SNX24: variants seen among roughly 807,000 people sequenced by gnomAD.
The protein encoded by SNX24 is sorting nexin-24.
A neutral mutation model predicts 28.7 loss-of-function variants in SNX24; 22 were observed. The ratio of observed to expected loss-of-function variants is 0.77; its 90% CI spans 0.55 to 1.10. The LOEUF (loss-of-function observed/expected upper bound fraction) is 1.10. Ranked by LOEUF, SNX24 falls within the 50% of genes least tolerant of loss-of-function variation. SNX24 has a pLI of 0.00. For missense variants in SNX24, 221 were observed against 201.1 expected, an observed-to-expected ratio of 1.10 and a Z score of -0.60; for synonymous variants, 69 against 71.5, an observed-to-expected ratio of 0.96 and a Z score of 0.18.
At chr5:122,909,687 T>C (rs1291038548) in intron 1 of SNX24, among the ~76,000 whole-genome samples, 2 of 152,168 alleles carry the variant, frequency 1.3e-5, no homozygotes, top group Admixed American at 1.3e-4. Flanking sequence ...CTATGTTTCT[T>C]TGTAGCTCCC....
Position 122,936,830 on chromosome 5 carries a change from C to T in SNX24, c.144+13C>T, listed in dbSNP as rs1759199824. On this transcript the variant is annotated intron_variant, in intron 2 of 6. Transcript: ENST00000261369. ...TTTGCACAAAAAGGTAACTTGTTTT[C>T]TGTTTTTTTGTCTTTTCTCTATGTG... 1 of 1,579,342 alleles carries T rather than the reference C, an allele frequency of 6.3e-7. No homozygotes were observed.
At chr5:123,010,413 T>C (rs929485069), downstream of SNX24, among the ~76,000 whole-genome samples, 1 of 152,016 alleles carries the variant, frequency 6.6e-6, no homozygotes, top group African/African-American at 2.4e-5. Context: ...CTCAGTCTCC[T>C]GGGCAGCTGG....
Position 122,977,327 on chromosome 5 carries a change from A to G in SNX24, c.250-22585A>G, listed in dbSNP as rs545483602. The stretch of plus-strand genomic sequence containing the variant: ...AATCTATCAACCCTCTCTTGCTCCA[A>G]CCCACCCCCACCCCTTCCCAATACA... On this transcript the variant is annotated intron_variant, in intron 3 of 6. Coordinates refer to ENST00000261369, the MANE Select transcript of SNX24 (RefSeq NM_014035.4). Among the ~76,000 whole-genome samples, 3 of 150,852 alleles carry G rather than the reference A, an allele frequency of 2.0e-5. No homozygotes were observed. The East Asian group carries it at 5.9e-4, about 30-fold the overall frequency.
At chr5:122,848,846 G>T (rs981804672) in intron 1 of SNX24, among the ~76,000 whole-genome samples, 7 of 152,254 alleles carry the variant, frequency 4.6e-5, no homozygotes, top group African/African-American at 1.7e-4. Context: ...AAGTTTCTGG[G>T]TGTATCTTAG....
At chr5:122,878,423 A>G (rs969991535) in intron 1 of SNX24, among the ~76,000 whole-genome samples, 10 of 152,186 alleles carry the variant, frequency 6.6e-5, no homozygotes, top group African/African-American at 2.4e-4. Context: ...TTTGACTATG[A>G]AAAGAGGGAG....
chr5:123,006,289 C>T (rs1762418953), intron 6 of SNX24, among the ~76,000 whole-genome samples: 1 of 152,162 alleles, frequency 6.6e-6, no homozygotes, highest in Non-Finnish European at 1.5e-5. Flanking sequence ...TCTCCCACCA[C>T]CCTCTGATTA....
intron 3 of SNX24, among the ~76,000 whole-genome samples, chr5:122,954,143 G>T (rs1357333105): frequency 6.6e-6 from 1 of 151,992 alleles, no homozygotes; most frequent in Non-Finnish European, 1.5e-5. Context: ...TTGACCATAT[G>T]TGCTTGAAAA....
intron 5 of SNX24, among the ~76,000 whole-genome samples, chr5:123,020,461 C>T (rs908021043): frequency 3.9e-5 from 6 of 152,200 alleles, no homozygotes; most frequent in Non-Finnish European, 7.3e-5. Flanking sequence ...TCTCATGTTA[C>T]TCTGAGTTCT....
chr5:122,974,220 G>C (rs573003793), intron 3 of SNX24, among the ~76,000 whole-genome samples: 2 of 152,332 alleles, frequency 1.3e-5, no homozygotes, highest in South Asian at 4.1e-4. Flanking sequence ...GAGGTAGAAG[G>C]TACCTGAATT....
intron 1 of SNX24, among the ~76,000 whole-genome samples, chr5:122,886,693 G>C (rs1045850713): frequency 1.3e-5 from 2 of 151,908 alleles, no homozygotes; most frequent in Admixed American, 1.3e-4. Flanking sequence ...AGCCAGGCGT[G>C]GTGGCAGGCG....
At chr5:122,999,684 C>A (rs1762176856) in intron 3 of SNX24, among the ~76,000 whole-genome samples, 1 of 152,130 alleles carries the variant, frequency 6.6e-6, no homozygotes, top group Non-Finnish European at 1.5e-5. Flanking sequence ...TCTATAAATG[C>A]CAGTTGAATG....
intron 5 of SNX24, among the ~76,000 whole-genome samples, chr5:123,015,884 T>C (rs1425026145): frequency 2.0e-5 from 3 of 152,154 alleles, no homozygotes; most frequent in Admixed American, 6.5e-5. Flanking sequence ...AGCCACCCTT[T>C]AAGGCAGCAG....
chr5:123,018,299 T>C (rs1762714969), intron 5 of SNX24, among the ~76,000 whole-genome samples: 1 of 152,130 alleles, frequency 6.6e-6, no homozygotes, highest in African/African-American at 2.4e-5. Flanking sequence ...TCCTTTACCC[T>C]GGACAGTTTG....
At chr5:123,009,504 A>G (rs868350784), downstream of SNX24, among the ~76,000 whole-genome samples, 1 of 152,142 alleles carries the variant, frequency 6.6e-6, no homozygotes. Flanking sequence ...CTTAGTGATG[A>G]CTTTCGCTTT....
intron 1 of SNX24, among the ~76,000 whole-genome samples, chr5:122,870,689 C>T (rs1276914986): frequency 6.6e-6 from 1 of 152,286 alleles, no homozygotes; most frequent in South Asian, 2.1e-4. Flanking sequence ...AGGGGAGACT[C>T]ATGCAGCATT....
chr5:122,996,533 A>G (rs1338627019), intron 3 of SNX24, among the ~76,000 whole-genome samples: 1 of 152,236 alleles, frequency 6.6e-6, no homozygotes. Context: ...CTCGATGAAC[A>G]ATTATCCAAA....
At chr5:122,930,553 G>T (rs530949151) in intron 1 of SNX24, among the ~76,000 whole-genome samples, 1 of 152,278 alleles carries the variant, frequency 6.6e-6, no homozygotes, top group African/African-American at 2.4e-5. Flanking sequence ...ATTCTAGGGT[G>T]GGTAGGTGTG....
intron 1 of SNX24, among the ~76,000 whole-genome samples, chr5:122,873,836 G>A (rs1314379746): frequency 2.0e-5 from 3 of 150,134 alleles, no homozygotes; most frequent in Non-Finnish European, 3.0e-5. Flanking sequence ...CGCAATCTCG[G>A]CTTACTGCAA....
chr5:122,911,000 G>C (rs1407389853), intron 1 of SNX24, among the ~76,000 whole-genome samples: 1 of 152,076 alleles, frequency 6.6e-6, no homozygotes. Context: ...GGGATGGCTG[G>C]GTCAAATGGT....
Sources: allele counts gnomAD v4.1 joint callset (sites outside exome capture counted in the v4.1 genomes callset), GRCh38; gene constraint gnomAD v4.1.1; transcripts MANE v1.5; gene names NCBI Gene and HGNC (gene_info 2026-07-23, HGNC 2026-07-21).